The following SPATA6L variants were observed in gnomAD, a reference collection of about 807,000 sequenced individuals.
The protein encoded by SPATA6L is spermatogenesis associated 6-like protein.
In SPATA6L, 68 loss-of-function variants were observed where a neutral mutation model predicts 49.2. That is an observed-to-expected ratio of 1.38 (90% confidence interval 1.14 to 1.69). SPATA6L has a LOEUF of 1.69. SPATA6L is among the 40% of genes most tolerant of loss of function. SPATA6L has a pLI of 0.00. For missense variants in SPATA6L, 668 were observed against 464.3 expected, an observed-to-expected ratio of 1.44 and a Z score of -4.03; for synonymous variants, 198 against 165.7, an observed-to-expected ratio of 1.19 and a Z score of -1.50.
At position 4,605,455 on chromosome 9, in the gene SPATA6L, G is replaced by C. The variant is rs781756118; in HGVS notation, c.996-15C>G. 33 of 1,588,934 alleles carry C rather than the reference G, an allele frequency of 2.1e-5. No individual in the cohort carries two copies. Among genetic ancestry groups the C allele is most frequent in the African/African-American group, 4.0e-5 (3 of 74,490 alleles). On this transcript the variant is annotated splice_polypyrimidine_tract_variant and intron_variant, in intron 9 of 11. Transcript: ENST00000682582. ...CAGGATGGAACCTGCTCAACAGATGGAACAGGGTGGAATATTAAGCAGCTA... is the reference window on the plus strand; with the variant it reads ...CAGGATGGAACCTGCTCAACAGATGCAACAGGGTGGAATATTAAGCAGCTA...
chr9:4,646,606 C>A (rs1587396463), intron 3 of SPATA6L: 2 of 736,732 alleles, frequency 2.7e-6, no homozygotes, highest in Non-Finnish European at 4.1e-6. Context: ...TTTAAACTGT[C>A]ATAAAACCCA....
At chr9:4,618,966 A>G (rs1828644038) in intron 7 of SPATA6L, 68 bp from the exon 8 acceptor site, 1 of 1,445,256 alleles carries the variant, frequency 6.9e-7, no homozygotes, top group African/African-American at 1.4e-5. Flanking sequence ...CTGCCATTAT[A>G]TTTATTCTAC....
chr9:4,661,228 G>C (rs1563736644), intron 2 of SPATA6L, among the ~76,000 whole-genome samples: 1 of 152,178 alleles, frequency 6.6e-6, no homozygotes, highest in Non-Finnish European at 1.5e-5. Context: ...AAAATCATTA[G>C]ACTTATTAAG....
intron 4 of SPATA6L, among the ~76,000 whole-genome samples, chr9:4,632,034 C>CTTTTTTT (rs905629115): frequency 1.8e-5 from 2 of 113,018 alleles, no homozygotes; most frequent in African/African-American, 7.3e-5. Context: ...ACATCAGCTA[C>CTTTTTTT]TTTTTTTTTT....
At chr9:4,658,218 C>T (rs906585369) in intron 2 of SPATA6L, among the ~76,000 whole-genome samples, 1 of 152,120 alleles carries the variant, frequency 6.6e-6, no homozygotes, top group Non-Finnish European at 1.5e-5. Context: ...ACTAATATAT[C>T]CATATCTAAG....
chr9:4,635,248 A>G, intron 4 of SPATA6L, 27 bp downstream of exon 4: 1 of 1,490,826 alleles, frequency 6.7e-7, no homozygotes, highest in African/African-American at 1.5e-5. Flanking sequence ...CTCCTAATAG[A>G]AGCCCAGATG....
intron 7 of SPATA6L, among the ~76,000 whole-genome samples, chr9:4,621,565 T>A (rs936837799): frequency 6.6e-6 from 1 of 152,126 alleles, no homozygotes; most frequent in Non-Finnish European, 1.5e-5. Flanking sequence ...CTCAGCTCAC[T>A]GCAACCTCTG....
At chr9:4,615,256 G>A (rs1776266515) in intron 9 of SPATA6L, among the ~76,000 whole-genome samples, 2 of 152,110 alleles carry the variant, frequency 1.3e-5, no homozygotes, top group Admixed American at 1.3e-4. Flanking sequence ...AAAGCTCTTT[G>A]CATACTTCTT....
At chr9:4,623,122 A>G (rs562580519) in intron 6 of SPATA6L, among the ~76,000 whole-genome samples, 1 of 152,114 alleles carries the variant, frequency 6.6e-6, no homozygotes, top group Non-Finnish European at 1.5e-5. Context: ...TCTACTAAAA[A>G]TACAAAAATT....
chr9:4,657,703 G>T (rs1838619721), intron 2 of SPATA6L, among the ~76,000 whole-genome samples: 1 of 152,082 alleles, frequency 6.6e-6, no homozygotes, highest in African/African-American at 2.4e-5. Context: ...ATGAAAATAA[G>T]ACAAAGAAAA....
chr9:4,605,961 G>C (rs931453300), intron 9 of SPATA6L, among the ~76,000 whole-genome samples: 1 of 152,164 alleles, frequency 6.6e-6, no homozygotes, highest in Non-Finnish European at 1.5e-5. Flanking sequence ...CGCGCACCGT[G>C]CGCGAGCCGA....
In SPATA6L at chr9:4,662,406, C is replaced by T. The variant is rs1473367843; in HGVS notation, c.40-370G>A. On this transcript the variant is annotated intron_variant, in intron 1 of 11. Coordinates refer to ENST00000682582, the MANE Select transcript of SPATA6L (RefSeq NM_001353486.2). This position sits in a 1 kb window ranked among gnomAD's most constrained non-coding sequence, Gnocchi z 4.9. ...AAGTCCCCGGAGGAGCATGGAGGGA[C>T]GGCCGCTGGGCGTCTCCGCTTCGAG... The T allele has an allele frequency of 1.3e-6, 2 of 1,535,606 alleles. No individual in the cohort carries two copies. The highest frequency in any genetic ancestry group is 1.2e-5 in the South Asian group (1 of 83,750).
At chr9:4,624,653 G>A (rs551968472) in intron 6 of SPATA6L, among the ~76,000 whole-genome samples, 1 of 151,610 alleles carries the variant, frequency 6.6e-6, no homozygotes, top group African/African-American at 2.4e-5. Flanking sequence ...ACTAGAACAC[G>A]GAAGGCAGAG....
chr9:4,665,935 G>C (rs943186204), intron 1 of SPATA6L, among the ~76,000 whole-genome samples: 1 of 151,900 alleles, frequency 6.6e-6, no homozygotes, highest in Non-Finnish European at 1.5e-5. Context: ...ACTTAATGCA[G>C]GGTTGTTTGA....
intron 13 of SPATA6L, among the ~76,000 whole-genome samples, chr9:4,589,818 T>C (rs1821790196): frequency 6.6e-6 from 1 of 152,182 alleles, no homozygotes; most frequent in African/African-American, 2.4e-5. Flanking sequence ...CTTTTTAATA[T>C]ACCCTGTGGG....
At position 4,662,478 on chromosome 9, in the gene SPATA6L, G is replaced by T; in HGVS notation, c.40-442C>A. On this transcript the variant is annotated intron_variant, in intron 1 of 11. Coordinates refer to ENST00000682582, the MANE Select transcript of SPATA6L (RefSeq NM_001353486.2). This position sits in a 1 kb window ranked among gnomAD's most constrained non-coding sequence, Gnocchi z 4.9. ...CCCAGCCCATGGCGGCGGTGGCGGC[G>T]GCAGCAGGTTTGAGTTCCAGTCCCT... 1 of 1,551,526 alleles carries T rather than the reference G, an allele frequency of 6.4e-7. No homozygotes were observed. Among genetic ancestry groups the T allele is most frequent in the Non-Finnish European group, 8.6e-7 (1 of 1,158,306 alleles).
At chr9:4,637,455 G>A (rs1184881478) in intron 3 of SPATA6L, among the ~76,000 whole-genome samples, 1 of 152,094 alleles carries the variant, frequency 6.6e-6, no homozygotes, top group Non-Finnish European at 1.5e-5. Context: ...TTCGTGATCT[G>A]CTTCCATCAA....
intron 11 of SPATA6L, among the ~76,000 whole-genome samples, chr9:4,603,159 C>T (rs547810374): frequency 6.6e-5 from 10 of 152,302 alleles, no homozygotes; most frequent in African/African-American, 2.2e-4. Context: ...CGACCGGGCA[C>T]GGTGGCTCAC....
chr9:4,659,855 AG>A (rs1221031016), intron 2 of SPATA6L, among the ~76,000 whole-genome samples: 4 of 152,194 alleles, frequency 2.6e-5, no homozygotes, highest in South Asian at 2.1e-4. Flanking sequence ...AACAGAACAG[AG>A]GCCCTCAGAA....
Sources: allele counts gnomAD v4.1 joint callset (sites outside exome capture counted in the v4.1 genomes callset), GRCh38; gene constraint gnomAD v4.1.1; non-coding constraint Gnocchi (gnomAD v3.1); transcripts MANE v1.5; gene names NCBI Gene and HGNC (gene_info 2026-07-23, HGNC 2026-07-21).